Variants in GLT1D1 observed in about 807,000 individuals in gnomAD.
GLT1D1 encodes the protein glycosyltransferase 1 domain containing 1.
GLT1D1 carries 21 observed loss-of-function variants against 28.7 expected under a neutral mutation model. The ratio of observed to expected loss-of-function variants is 0.73; its 90% CI spans 0.52 to 1.05. The LOEUF (loss-of-function observed/expected upper bound fraction) is 1.05. GLT1D1 is among the 50% of genes least tolerant of loss of function. The probability of loss-of-function intolerance (pLI) is 0.00; values close to 1 mark genes in which losing one functional copy is unlikely to be tolerated. For missense variants in GLT1D1, 343 were observed against 330.6 expected (o/e 1.04, Z -0.29); for synonymous variants, 147 against 124.8 (o/e 1.18, Z -1.19).
intron 4 of GLT1D1, chr12:128,930,481 T>A (rs1873740311): frequency 6.6e-6 from 1 of 152,254 alleles, no homozygotes; most frequent in Admixed American, 6.5e-5. Flanking sequence ...GTGGTGCAGA[T>A]GGCATGCAGA....
intron 7 of GLT1D1, among the ~76,000 whole-genome samples, chr12:128,968,860 C>G (rs903006509): frequency 1.3e-5 from 2 of 152,174 alleles, no homozygotes; most frequent in African/African-American, 4.8e-5. Flanking sequence ...GGTCTGACTG[C>G]AGAGCCTGAG....
At chr12:128,863,203 A>C (rs1956422205) in intron 1 of GLT1D1, among the ~76,000 whole-genome samples, 1 of 152,116 alleles carries the variant, frequency 6.6e-6, no homozygotes, top group African/African-American at 2.4e-5. Context: ...GGATGGGATG[A>C]AAAGGGTCTG....
chr12:128,873,072 T>A (rs1336411875), intron 1 of GLT1D1, among the ~76,000 whole-genome samples: 2 of 152,076 alleles, frequency 1.3e-5, no homozygotes, highest in African/African-American at 4.8e-5. Context: ...TTTTTTAAAT[T>A]TTTTGTAGAG....
At chr12:128,964,738 T>G (rs1463942952) in intron 7 of GLT1D1, among the ~76,000 whole-genome samples, 3 of 152,114 alleles carry the variant, frequency 2.0e-5, no homozygotes, top group African/African-American at 7.2e-5. Context: ...GTTATTAGTG[T>G]GAAGAGATTG....
intron 4 of GLT1D1, 25 bp downstream of exon 8, chr12:128,927,179 TATCTC>T (rs1405300563): frequency 1.6e-5 from 24 of 1,491,896 alleles, no homozygotes; most frequent in East Asian, 2.5e-5. Flanking sequence ...AGTAAACACT[TATCTC>T]ATCTCTGTTT....
chr12:128,977,959 A>T (rs1879942706), intron 7 of GLT1D1, among the ~76,000 whole-genome samples: 1 of 150,660 alleles, frequency 6.6e-6, no homozygotes. Flanking sequence ...ATTTTTTTGT[A>T]TTTTTGGTAG....
At chr12:128,945,137 A>G (rs1875878386) in intron 4 of GLT1D1, 189 bp from the exon 9 acceptor site, 3 of 735,564 alleles carry the variant, frequency 4.1e-6, no homozygotes, top group Middle Eastern at 2.4e-4. Context: ...ATACGCGACG[A>G]CACAGTGCCC....
At chr12:128,932,010 G>A (rs1873969909) in intron 4 of GLT1D1, among the ~76,000 whole-genome samples, 1 of 152,118 alleles carries the variant, frequency 6.6e-6, no homozygotes, top group Non-Finnish European at 1.5e-5. Context: ...CTGGAAGGAG[G>A]TCATCGCGAA....
intron 6 of GLT1D1, among the ~76,000 whole-genome samples, chr12:128,948,177 A>G (rs545137123): frequency 2.6e-5 from 4 of 152,244 alleles, no homozygotes; most frequent in Admixed American, 2.6e-4. Flanking sequence ...TCCCTTTGCA[A>G]TGGGACCACC....
At position 128,875,914 on chromosome 12, in the gene GLT1D1, G is replaced by A; in HGVS notation, c.69G>A (p.Arg23=). The change falls in exon 2 of 8, where the codon CGG becomes CGA. Residue 23 remains arginine, a splice_region_variant and synonymous_variant. Transcript: ENST00000281703. Reference sequence around the variant, plus strand: ...CCTTTCTCTGTATTTTTTGATAAAGGGCCCATCTAGAGGCTGCAGGGCACG... The same window carrying A: ...CCTTTCTCTGTATTTTTTGATAAAGAGCCCATCTAGAGGCTGCAGGGCACG... 5 of 1,610,512 alleles carry A rather than the reference G, an allele frequency of 3.1e-6. No homozygotes were observed. Among genetic ancestry groups the A allele is most frequent in the Non-Finnish European group, 4.2e-6 (5 of 1,178,770 alleles).
chr12:128,968,274 C>T (rs535093171), intron 7 of GLT1D1, among the ~76,000 whole-genome samples: 1 of 151,432 alleles, frequency 6.6e-6, no homozygotes, highest in African/African-American at 2.4e-5. Context: ...GGATTACAGG[C>T]GTGAGCCACT....
chr12:128,894,566 G>A lies in GLT1D1; in HGVS notation c.324-4670G>A, dbSNP rs149890962. Among the ~76,000 whole-genome samples, 63 of 152,034 alleles carry A rather than the reference G, an allele frequency of 4.1e-4. No homozygotes were observed. In the East Asian group the frequency reaches 0.01, roughly 24 times the overall value. ...TATTCAGTATGGACTCGTGGGGGCC[G>A]GGCATGGTGGCTCATGGCTGTAATC... On this transcript the variant is annotated intron_variant, in intron 3 of 7. Transcript: ENST00000281703.
At chr12:128,887,132 C>A (rs968520301) in intron 2 of GLT1D1, among the ~76,000 whole-genome samples, 1 of 152,008 alleles carries the variant, frequency 6.6e-6, no homozygotes, top group Admixed American at 6.6e-5. Context: ...ATGCCTCAGC[C>A]TTCGGAGTAG....
intron 1 of GLT1D1, among the ~76,000 whole-genome samples, chr12:128,860,959 A>G (rs1356187571): frequency 6.6e-6 from 1 of 152,202 alleles, no homozygotes; most frequent in Non-Finnish European, 1.5e-5. Context: ...TAAGTGAAAA[A>G]ATAGAGTCTG....
intron 4 of GLT1D1, among the ~76,000 whole-genome samples, chr12:128,922,620 T>C (rs1872758341): frequency 6.6e-6 from 1 of 152,146 alleles, no homozygotes; most frequent in African/African-American, 2.4e-5. Context: ...AGCTTCAGGA[T>C]ACTTAGAATA....
At chr12:128,978,495 G>C (rs535478543) in intron 7 of GLT1D1, among the ~76,000 whole-genome samples, 1 of 152,298 alleles carries the variant, frequency 6.6e-6, no homozygotes, top group East Asian at 1.9e-4. Flanking sequence ...CATGCGACCT[G>C]GGTGGCCTCA....
At chr12:128,940,356 C>T (rs369441589) in intron 4 of GLT1D1, among the ~76,000 whole-genome samples, 2 of 152,292 alleles carry the variant, frequency 1.3e-5, no homozygotes, top group East Asian at 3.9e-4. Context: ...AGGCTCAGCG[C>T]TTCATGTCTT....
intron 1 of GLT1D1, among the ~76,000 whole-genome samples, chr12:128,858,051 T>C (rs1422792395): frequency 6.6e-6 from 1 of 152,144 alleles, no homozygotes; most frequent in African/African-American, 2.4e-5. Context: ...GATGCCAATA[T>C]GGGTTGTGAA....
chr12:128,912,862 G>A (rs1281459533), intron 4 of GLT1D1, among the ~76,000 whole-genome samples: 1 of 152,058 alleles, frequency 6.6e-6, no homozygotes, highest in Non-Finnish European at 1.5e-5. Flanking sequence ...TAGAAATGGG[G>A]TTTCGCCATG....
Sources: allele counts gnomAD v4.1 joint callset (sites outside exome capture counted in the v4.1 genomes callset), GRCh38; gene constraint gnomAD v4.1.1; transcripts MANE v1.5; gene names NCBI Gene and HGNC (gene_info 2026-07-23, HGNC 2026-07-21).